The following PDILT variants were observed in gnomAD, a reference collection of about 807,000 sequenced individuals.
PDILT encodes the protein protein disulfide-isomerase-like protein of the testis.
PDILT carries 43 observed loss-of-function variants against 53.7 expected under a neutral mutation model. The observed-to-expected ratio is 0.80, with a 90% confidence interval of 0.63 to 1.03. The LOEUF (loss-of-function observed/expected upper bound fraction) is 1.03, where lower values mean the gene tolerates loss of function less well. PDILT is among the 50% of genes least tolerant of loss of function. The pLI is 0.00. For synonymous variants in PDILT, 282 were observed against 274.2 expected, an observed-to-expected ratio of 1.03 and a Z score of -0.28; for missense variants, 727 against 712.3, an observed-to-expected ratio of 1.02 and a Z score of -0.24.
At chr16:20,395,795 G>A (rs1253212095) in intron 2 of PDILT, among the ~76,000 whole-genome samples, 1 of 152,120 alleles carries the variant, frequency 6.6e-6, no homozygotes, top group Admixed American at 6.5e-5. Context: ...AAAAGAGCCT[G>A]GCAGCCGCTG....
chr16:20,402,721 C>T (rs931787410), intron 1 of PDILT, among the ~76,000 whole-genome samples: 1 of 152,230 alleles, frequency 6.6e-6, no homozygotes, highest in Non-Finnish European at 1.5e-5. Flanking sequence ...TAGTCTCTCT[C>T]TGCCCTGCTG....
At chr16:20,372,724 C>T (rs1479822964) in intron 7 of PDILT, 78 bp downstream of exon 7, 7 of 1,506,268 alleles carry the variant, frequency 4.6e-6, no homozygotes, top group South Asian at 1.3e-5. Context: ...ATAAGCAGGG[C>T]AGGCAAATGG....
chr16:20,359,857 A>C (rs752873322), intron 11 of PDILT, among the ~76,000 whole-genome samples: 13 of 152,188 alleles, frequency 8.5e-5, no homozygotes, highest in Non-Finnish European at 1.2e-4. Context: ...TAGCTCCAGG[A>C]CTGGACAGGT....
In PDILT at chr16:20,399,145, G is replaced by A. The variant is rs757433829; in HGVS notation, c.156C>T (p.Gly52=). 3.7e-6 allele frequency: 6 copies of A among 1,614,064 alleles called. No individual in the cohort carries two copies. In the Admixed American group the frequency reaches 5.0e-5, roughly 13 times the overall value. ...GGGTCTGGTTCAGCATCTGGGTCAG[G>A]CCAGCGGGCGTTAGCACTAGGAGAC... The part of the protein sequence containing the change: ...ERSLLVLTPA[G]LTQMLNQTRF... Residue 52 remains glycine, a synonymous_variant, in exon 2 of 12, where the codon GGC becomes GGT. Coordinates refer to ENST00000302451, the MANE Select transcript of PDILT (RefSeq NM_174924.2).
intron 1 of PDILT, among the ~76,000 whole-genome samples, chr16:20,402,900 G>C (rs1966761566): frequency 1.3e-5 from 2 of 152,144 alleles, no homozygotes; most frequent in Non-Finnish European, 2.9e-5. Flanking sequence ...CTTGGCCCTT[G>C]GTTCTGCCGG....
chr16:20,377,879 A>G (rs1026004461), intron 3 of PDILT, among the ~76,000 whole-genome samples: 1 of 152,030 alleles, frequency 6.6e-6, no homozygotes, highest in South Asian at 2.1e-4. Context: ...GCTTGAACCC[A>G]GGAGGTGGAG....
At chr16:20,375,973 G>A (rs1383542987) in intron 4 of PDILT, 95 bp downstream of exon 4, 8 of 1,469,930 alleles carry the variant, frequency 5.4e-6, no homozygotes, top group Non-Finnish European at 7.4e-6. Context: ...AGAAAATTGG[G>A]CAATCAAAAC....
chr16:20,383,370 C>A (rs1475223265), intron 3 of PDILT, among the ~76,000 whole-genome samples: 1 of 152,124 alleles, frequency 6.6e-6, no homozygotes, highest in Non-Finnish European at 1.5e-5. Flanking sequence ...TCAGCGAGTC[C>A]CCCTTGTTGA....
intron 3 of PDILT, among the ~76,000 whole-genome samples, chr16:20,383,252 G>C (rs1966485736): frequency 6.6e-6 from 1 of 152,174 alleles, no homozygotes; most frequent in Admixed American, 6.5e-5. Context: ...GGTCATTGCA[G>C]CACCTGGGCC....
At chr16:20,380,519 G>C (rs1966447849) in intron 3 of PDILT, among the ~76,000 whole-genome samples, 1 of 151,994 alleles carries the variant, frequency 6.6e-6, no homozygotes, top group East Asian at 1.9e-4. Context: ...TGTATTTTTA[G>C]TAGAGATGGG....
At position 20,400,074 on chromosome 16, in the gene PDILT, T is replaced by A. The variant is rs1415392971; in HGVS notation, c.-7-767A>T. 1.6e-3 allele frequency among the ~76,000 whole-genome samples: 233 copies of A among 145,134 alleles called. 2 individuals carry two copies. The highest frequency in any genetic ancestry group is 5.6e-3 in the African/African-American group (221 of 39,214). ...TCTATCTATATATATATATATATAT[T>A]TTTTGAGACGGAGTTTTGCTCTTGT... On this transcript the variant is annotated intron_variant, in intron 1 of 11. Transcript: ENST00000302451.
chr16:20,359,413 T>A lies in PDILT; in HGVS notation c.1661A>T (p.Lys554Met). The A allele has an allele frequency of 6.2e-7, 1 of 1,614,212 alleles. No individual in the cohort carries two copies. Among genetic ancestry groups the A allele is most frequent in the East Asian group, 2.2e-5 (1 of 44,878 alleles). ...YVSKLEEPAG[K>M]KKTSEEVVVV... ...CACCACCTCCTCAGATGTTTTCTTC[T>A]TCCCAGCGGGCTCTTCCAGCTTGGA... The change falls in exon 12 of 12, where the codon AAG becomes ATG. Residue 554 changes from lysine (K) to methionine (M), a missense_variant. Lys to Met is a moderately conservative substitution (Grantham distance 95, BLOSUM62 -1). Transcript: ENST00000302451.
intron 5 of PDILT, 22 bp from the exon 6 acceptor site, chr16:20,373,144 A>G: frequency 1.3e-6 from 2 of 1,582,374 alleles, no homozygotes; most frequent in East Asian, 4.5e-5. Flanking sequence ...GGAGAAACAT[A>G]TTGGAGGACA....
chr16:20,376,646 A>T (rs1206421599), intron 3 of PDILT, among the ~76,000 whole-genome samples: 2 of 152,182 alleles, frequency 1.3e-5, no homozygotes, highest in African/African-American at 4.8e-5. Flanking sequence ...ATCTCAATAA[A>T]ATATAACTGG....
At chr16:20,402,184 G>A (rs1173526842) in intron 1 of PDILT, among the ~76,000 whole-genome samples, 1 of 152,248 alleles carries the variant, frequency 6.6e-6, no homozygotes, top group Non-Finnish European at 1.5e-5. Flanking sequence ...GGGAAATGCA[G>A]TGAGATAAAT....
intron 7 of PDILT, among the ~76,000 whole-genome samples, chr16:20,371,954 GCTTT>G (rs1298061927): frequency 6.6e-6 from 1 of 151,722 alleles, no homozygotes; most frequent in Non-Finnish European, 1.5e-5. Flanking sequence ...TATTCTAGTG[GCTTT>G]CTTTATTTTA....
chr16:20,386,297 T>C (rs1033642608), intron 2 of PDILT, among the ~76,000 whole-genome samples: 3 of 152,028 alleles, frequency 2.0e-5, no homozygotes, highest in African/African-American at 7.2e-5. Context: ...CCTGATAACA[T>C]TGTGAGGCTG....
rs764183373 is a variant in PDILT, at chr16:20,399,135, T to C, written c.166A>G (p.Met56Val). 1.2e-6 allele frequency: 2 copies of C among 1,614,070 alleles called. No homozygotes were observed. Among genetic ancestry groups the C allele is most frequent in the Non-Finnish European group, 1.7e-6 (2 of 1,180,036 alleles). Residue 56 changes from methionine to valine, a missense_variant, in exon 2 of 12, where the codon ATG becomes GTG. Coordinates refer to ENST00000302451, the MANE Select transcript of PDILT (RefSeq NM_174924.2). The stretch of plus-strand genomic sequence containing the variant: ...ATGAGGAAGCGGGTCTGGTTCAGCA[T>C]CTGGGTCAGGCCAGCGGGCGTTAGC... ...LVLTPAGLTQ[M>V]LNQTRFLMVL...
At chr16:20,360,452 A>T in intron 11 of PDILT, 116 bp downstream of exon 11, 1 of 979,198 alleles carries the variant, frequency 1.0e-6, no homozygotes, top group South Asian at 1.4e-5. Flanking sequence ...TTCTCCATCC[A>T]TCCTCAACCA....
Sources: gnomAD v4.1 joint callset for allele counts (sites outside exome capture counted in the v4.1 genomes callset) on GRCh38, gnomAD v4.1.1 for gene constraint, MANE v1.5 for transcripts, NCBI Gene and HGNC (gene_info 2026-07-23, HGNC 2026-07-21) for gene names.